Variants in SYNPO2 observed in about 807,000 individuals in gnomAD.
SYNPO2 encodes synaptopodin-2.
In SYNPO2, 56 loss-of-function variants were observed where a neutral mutation model predicts 85.0. The ratio of observed to expected loss-of-function variants is 0.66; its 90% CI spans 0.53 to 0.82. The LOEUF (loss-of-function observed/expected upper bound fraction) is 0.82, where lower values mean the gene tolerates loss of function less well. Ranked by LOEUF, SYNPO2 falls within the 40% of genes least tolerant of loss-of-function variation. The pLI, the probability that SYNPO2 is intolerant of heterozygous loss-of-function variation, is 0.00. For missense variants in SYNPO2, 1,575 were observed against 1,534.2 expected, an observed-to-expected ratio of 1.03 and a Z score of -0.44; for synonymous variants, 602 against 591.1, an observed-to-expected ratio of 1.02 and a Z score of -0.27.
At position 119,006,433 on chromosome 4, in the gene SYNPO2, T is replaced by A. The variant is rs536096857; in HGVS notation, c.106-16997T>A. 2.6e-5 allele frequency: 4 copies of A among 152,304 alleles called. No individual in the cohort carries two copies. In the South Asian group the frequency reaches 8.3e-4, roughly 32 times the overall value. The allele number at this position is 152,304 out of a possible 1,614,324, so 9.4% of individuals were successfully genotyped here. ...GCTGTCAGCACCAGAAATATTCTCA[T>A]GGAAGCCTTGGGGATTACTAAGAGA... On this transcript the variant is annotated intron_variant, in intron 1 of 4. Coordinates refer to ENST00000307142, the MANE Select transcript of SYNPO2 (RefSeq NM_133477.3).
intron 1 of SYNPO2, among the ~76,000 whole-genome samples, chr4:118,919,575 AT>A (rs1733465375): frequency 6.6e-6 from 1 of 152,202 alleles, no homozygotes; most frequent in Non-Finnish European, 1.5e-5. Flanking sequence ...AGGCAGTCAA[AT>A]ATGTGACCCA....
chr4:119,008,279 T>C (rs1737155216), intron 1 of SYNPO2, among the ~76,000 whole-genome samples: 1 of 152,182 alleles, frequency 6.6e-6, no homozygotes, highest in South Asian at 2.1e-4. Context: ...GGGAGTCCAA[T>C]TGCCAGTTCT....
chr4:118,926,931 G>A lies in SYNPO2; in HGVS notation c.105+37790G>A, dbSNP rs1284963417. ...AGAATGCTTCTACTCTATGCGGGATGCCACTTGGTTAACGGGATACTGAAG... is the reference window on the plus strand; with the variant it reads ...AGAATGCTTCTACTCTATGCGGGATACCACTTGGTTAACGGGATACTGAAG... On this transcript the variant is annotated intron_variant, in intron 1 of 4. Transcript: ENST00000307142. Among the ~76,000 whole-genome samples the A allele has an allele frequency of 2.6e-5, 4 of 152,120 alleles. No homozygotes were observed. The East Asian group carries it at 7.7e-4, about 29-fold the overall frequency.
At chr4:118,853,422 A>G (rs1731453708) in intron 1 of SYNPO2, among the ~76,000 whole-genome samples, 1 of 152,132 alleles carries the variant, frequency 6.6e-6, no homozygotes, top group South Asian at 2.1e-4. Context: ...AAGCATTGCA[A>G]CAAAATGTCG....
intron 1 of SYNPO2, among the ~76,000 whole-genome samples, chr4:119,008,658 C>T (rs1737171701): frequency 6.6e-6 from 1 of 152,032 alleles, no homozygotes; most frequent in South Asian, 2.1e-4. Flanking sequence ...GTTTTACAAA[C>T]AATTTTTAAG....
At chr4:119,034,246 T>C (rs1578665823) in intron 4 of SYNPO2, 20 of 985,344 alleles carry the variant, frequency 2.0e-5, no homozygotes, top group East Asian at 1.1e-4. Context: ...ATTCTTAACA[T>C]AGCATTTAAA....
At chr4:119,041,064 C>T (rs1344908060) in intron 4 of SYNPO2, among the ~76,000 whole-genome samples, 3 of 152,234 alleles carry the variant, frequency 2.0e-5, no homozygotes, top group Admixed American at 1.3e-4. Context: ...AATATTCCAG[C>T]TGCCTTTCAA....
chr4:118,879,084 T>A (rs1032349008), intron 1 of SYNPO2, among the ~76,000 whole-genome samples: 1 of 152,084 alleles, frequency 6.6e-6, no homozygotes, highest in Non-Finnish European at 1.5e-5. Flanking sequence ...TGTTAAGGTG[T>A]GCCACTTCAC....
At chr4:118,874,214 T>G (rs1731857198) in intron 1 of SYNPO2, among the ~76,000 whole-genome samples, 1 of 152,204 alleles carries the variant, frequency 6.6e-6, no homozygotes, top group African/African-American at 2.4e-5. Context: ...ACATTATAAA[T>G]GTAAATGTTA....
At chr4:119,044,725 A>G (rs1561025076) in intron 4 of SYNPO2, among the ~76,000 whole-genome samples, 1 of 152,192 alleles carries the variant, frequency 6.6e-6, no homozygotes. Context: ...TACATTTCTC[A>G]AAGAACAGTA....
chr4:119,005,152 G>A (rs1350368083), intron 1 of SYNPO2, among the ~76,000 whole-genome samples: 56 of 152,208 alleles, frequency 3.7e-4, no homozygotes, highest in Non-Finnish European at 5.1e-4. Flanking sequence ...AGTAGATTGC[G>A]AAAATTTTCT....
intron 1 of SYNPO2, among the ~76,000 whole-genome samples, chr4:118,873,357 T>C (rs1210088187): frequency 6.6e-6 from 1 of 152,128 alleles, no homozygotes. Flanking sequence ...CCAATATCTG[T>C]TATTTTTTTG....
chr4:118,966,998 ATAATAGTTAACCAT>A (rs951583816), intron 1 of SYNPO2, among the ~76,000 whole-genome samples: 21 of 152,242 alleles, frequency 1.4e-4, no homozygotes, highest in Admixed American at 2.6e-4. Flanking sequence ...AATGACAGTA[ATAATAGTTAACCAT>A]TATTGAGCAT....
intron 1 of SYNPO2, among the ~76,000 whole-genome samples, chr4:118,958,484 G>T (rs556662718): frequency 1.3e-4 from 20 of 152,252 alleles, no homozygotes; most frequent in Admixed American, 7.2e-4. Flanking sequence ...ACCTAGACAA[G>T]CAGGTCTTGG....
intron 4 of SYNPO2, among the ~76,000 whole-genome samples, chr4:119,049,890 G>A (rs1738980837): frequency 6.6e-6 from 1 of 152,132 alleles, no homozygotes; most frequent in South Asian, 2.1e-4. Context: ...ATTCCCTACG[G>A]CCCGGTCACC....
chr4:118,899,530 T>C (rs955329971), intron 1 of SYNPO2, among the ~76,000 whole-genome samples: 13 of 152,218 alleles, frequency 8.5e-5, no homozygotes, highest in African/African-American at 2.9e-4. Flanking sequence ...GTTTAAAGAC[T>C]GTCAAAGCTG....
chr4:119,022,572 T>C (rs1311589849), intron 1 of SYNPO2, among the ~76,000 whole-genome samples: 1 of 140,254 alleles, frequency 7.1e-6, no homozygotes, highest in Non-Finnish European at 1.5e-5. Flanking sequence ...ACCGGGCTGG[T>C]CTCAAACTGC....
intron 1 of SYNPO2, among the ~76,000 whole-genome samples, chr4:118,897,506 CT>C (rs1336066883): frequency 6.6e-6 from 1 of 152,166 alleles, no homozygotes; most frequent in Non-Finnish European, 1.5e-5. Context: ...CCTAGGAAAT[CT>C]GTAATCATGA....
At chr4:119,051,191 T>TTTG in intron 4 of SYNPO2, among the ~76,000 whole-genome samples, 1 of 135,336 alleles carries the variant, frequency 7.4e-6, no homozygotes, top group Admixed American at 7.4e-5. Flanking sequence ...AAGCAATTTT[T>TTTG]TTTTTTTTTT....
Sources: allele counts gnomAD v4.1 joint callset (sites outside exome capture counted in the v4.1 genomes callset), GRCh38; gene constraint gnomAD v4.1.1; transcripts MANE v1.5; gene names NCBI Gene and HGNC (gene_info 2026-07-23, HGNC 2026-07-21).